CLNK: variants seen among roughly 807,000 people sequenced by gnomAD.
CLNK encodes cytokine-dependent hematopoietic cell linker.
CLNK carries 74 observed loss-of-function variants against 68.6 expected under a neutral mutation model. That is an observed-to-expected ratio of 1.08 (90% confidence interval 0.89 to 1.31). CLNK has a LOEUF of 1.31. CLNK is among the 50% of genes most tolerant of loss of function. The pLI is 0.00. For missense variants in CLNK, 553 were observed against 515.3 expected (o/e 1.07, Z -0.71); for synonymous variants, 198 against 172.2 (o/e 1.15, Z -1.17).
intron 2 of CLNK, among the ~76,000 whole-genome samples, chr4:10,654,892 G>T (rs142625425): frequency 0.021 from 3,139 of 152,122 alleles, 97 homozygotes; most frequent in Admixed American, 0.095. Flanking sequence ...CACTAGGTCA[G>T]GAGATCGAGA....
At chr4:10,527,725 A>C (rs187260562) in intron 13 of CLNK, among the ~76,000 whole-genome samples, 45 of 152,290 alleles carry the variant, frequency 3.0e-4, no homozygotes, top group Non-Finnish European at 5.3e-4. Context: ...GTGTGTGTGC[A>C]TGGGTGACAT....
intron 2 of CLNK, among the ~76,000 whole-genome samples, chr4:10,600,879 C>T (rs1721566692): frequency 6.6e-6 from 1 of 152,146 alleles, no homozygotes; most frequent in African/African-American, 2.4e-5. Context: ...TAGCATTTGC[C>T]TAAATGGCTT....
chr4:10,696,392 G>T, the CLNK span, among the ~76,000 whole-genome samples: 1 of 152,130 alleles, frequency 6.6e-6, no homozygotes, highest in Non-Finnish European at 1.5e-5. Flanking sequence ...TGATGTCTAC[G>T]CCTTAAGCTT....
At chr4:10,574,846 C>T (rs879396271) in intron 4 of CLNK, among the ~76,000 whole-genome samples, 9 of 152,174 alleles carry the variant, frequency 5.9e-5, no homozygotes, top group Admixed American at 1.3e-4. Context: ...TGTTCTGTTC[C>T]GTTCTGATTA....
chr4:10,514,409 A>G (rs550039834), intron 15 of CLNK, among the ~76,000 whole-genome samples: 2 of 152,092 alleles, frequency 1.3e-5, no homozygotes, highest in East Asian at 3.9e-4. Context: ...AGAGATATAG[A>G]TCAATGGAAC....
At chr4:10,690,513 A>T in the CLNK span, among the ~76,000 whole-genome samples, 15 of 152,284 alleles carry the variant, frequency 9.9e-5, no homozygotes, top group Non-Finnish European at 2.1e-4. Context: ...ATTCTTCTTT[A>T]AAAAAAGATA....
intron 1 of CLNK, among the ~76,000 whole-genome samples, chr4:10,668,670 C>T (rs1295851630): frequency 1.3e-5 from 2 of 152,154 alleles, no homozygotes; most frequent in Admixed American, 1.3e-4. Flanking sequence ...CTGTCACATG[C>T]CTGGGCTTGG....
chr4:10,539,580 T>G (rs902423108), intron 11 of CLNK, among the ~76,000 whole-genome samples: 1 of 152,204 alleles, frequency 6.6e-6, no homozygotes, highest in African/African-American at 2.4e-5. Flanking sequence ...AAGGTAATTT[T>G]GGAAATTTAA....
chr4:10,596,697 T>C (rs894698148), intron 3 of CLNK, among the ~76,000 whole-genome samples: 2 of 152,176 alleles, frequency 1.3e-5, no homozygotes, highest in Non-Finnish European at 2.9e-5. Context: ...TTTAGGTTTA[T>C]AAATAGTTTG....
intron 2 of CLNK, among the ~76,000 whole-genome samples, chr4:10,599,013 G>A (rs147019105): frequency 6.6e-5 from 10 of 152,282 alleles, no homozygotes; most frequent in African/African-American, 2.4e-4. Flanking sequence ...TCTTACTTCC[G>A]AACTCAGCTC....
chr4:10,520,761 T>C (rs954911698), intron 15 of CLNK, 30 bp downstream of exon 15: 2 of 1,569,492 alleles, frequency 1.3e-6, no homozygotes, highest in Non-Finnish European at 1.7e-6. Context: ...GACTTACCTG[T>C]TTATTTTATA....
At chr4:10,668,891 A>G (rs1226829005) in intron 1 of CLNK, among the ~76,000 whole-genome samples, 1 of 152,180 alleles carries the variant, frequency 6.6e-6, no homozygotes, top group Non-Finnish European at 1.5e-5. Context: ...AAGGGCGAGG[A>G]GCTGTTAATA....
At position 10,571,771 on chromosome 4, in the gene CLNK, G is replaced by A. The variant is rs1385071905; in HGVS notation, c.120C>T (p.Tyr40=). The change falls in exon 5 of 19, where the codon TAC becomes TAT. Residue 40 remains tyrosine, a synonymous_variant. Coordinates refer to ENST00000226951, the MANE Select transcript of CLNK (RefSeq NM_052964.4). The part of the protein sequence containing the change: ...WPRINSATGQ[Y]QRMNKPLLDW... Reference sequence around the variant, plus strand: ...CTAGAAGAGGCTTGTTCATCCTCTGGTACTGGCCTGCCAACACAAACAGAC... The same window carrying A: ...CTAGAAGAGGCTTGTTCATCCTCTGATACTGGCCTGCCAACACAAACAGAC... 1 of 1,612,882 alleles carries A rather than the reference G, an allele frequency of 6.2e-7. No homozygotes were observed. Among genetic ancestry groups the A allele is most frequent in the East Asian group, 2.2e-5 (1 of 44,870 alleles).
rs114712892 is a variant in CLNK at position 10,591,046 on chromosome 4, G to A, written c.84-6091C>T. ...TCTCTCCACCACTCAAAGGTGGAGC[G>A]TTTGCACCATGGAGCTGTGGGGACT... is the stretch of plus-strand genomic sequence containing the variant. On this transcript the variant is annotated intron_variant, in intron 3 of 18. Coordinates refer to ENST00000226951, the MANE Select transcript of CLNK (RefSeq NM_052964.4). Among the ~76,000 whole-genome samples, 1,196 of 152,256 alleles carry A rather than the reference G, an allele frequency of 7.9e-3. 21 individuals are homozygous for A. The highest frequency in any genetic ancestry group is 0.065 in the East Asian group (338 of 5,184).
At chr4:10,679,286 A>G (rs888825049) in intron 1 of CLNK, among the ~76,000 whole-genome samples, 1 of 152,234 alleles carries the variant, frequency 6.6e-6, no homozygotes, top group African/African-American at 2.4e-5. Flanking sequence ...TATTTAATAA[A>G]TGGTGCTGGG....
At position 10,652,464 on chromosome 4, in the gene CLNK, T is replaced by C. The variant is rs1031439649; in HGVS notation, c.11+15395A>G. On this transcript the variant is annotated intron_variant, in intron 2 of 18. Transcript: ENST00000226951. ...TTCTGTATGTTTTTTATAAGATATATACCAAAAATGTAAGAATAGAAAAGT... is the reference window on the plus strand; with the variant it reads ...TTCTGTATGTTTTTTATAAGATATACACCAAAAATGTAAGAATAGAAAAGT... 2.4e-4 allele frequency among the ~76,000 whole-genome samples: 36 copies of C among 149,606 alleles called. 1 individual carries two copies. In the Middle Eastern group the frequency reaches 0.01, roughly 43 times the overall value.
At chr4:10,616,705 A>G (rs1722239131) in intron 2 of CLNK, among the ~76,000 whole-genome samples, 2 of 151,624 alleles carry the variant, frequency 1.3e-5, no homozygotes, top group Admixed American at 6.6e-5. Context: ...TGCATATTTC[A>G]TTATTATTTG....
chr4:10,667,465 C>T (rs561101671), intron 2 of CLNK, among the ~76,000 whole-genome samples: 1 of 150,280 alleles, frequency 6.7e-6, no homozygotes, highest in African/African-American at 2.5e-5. Flanking sequence ...ACTGACCACA[C>T]CACTTTTGGT....
At chr4:10,572,602 T>C (rs539842081) in intron 4 of CLNK, among the ~76,000 whole-genome samples, 1 of 152,334 alleles carries the variant, frequency 6.6e-6, no homozygotes, top group South Asian at 2.1e-4. Context: ...AAATTCTCTT[T>C]ATTAGCACAT....
Sources: allele counts gnomAD v4.1 joint callset (sites outside exome capture counted in the v4.1 genomes callset), GRCh38; gene constraint gnomAD v4.1.1; transcripts MANE v1.5; gene names NCBI Gene and HGNC (gene_info 2026-07-23, HGNC 2026-07-21).